Variants in CA10 observed in about 807,000 individuals in gnomAD.
CA10 encodes carbonic anhydrase 10 (inactive), also known as carbonic anhydrase-related protein 10.
A neutral mutation model predicts 44.2 loss-of-function variants in CA10; 14 were observed. That is an observed-to-expected ratio of 0.32 (90% confidence interval 0.21 to 0.50). The LOEUF is 0.50. Ranked by LOEUF, CA10 falls within the 20% of genes least tolerant of loss-of-function variation. The pLI is 0.99. For missense variants in CA10, 350 were observed against 409.7 expected, an observed-to-expected ratio of 0.85 and a Z score of 1.26; for synonymous variants, 159 against 141.6, an observed-to-expected ratio of 1.12 and a Z score of -0.87.
chr17:51,874,332 T>A (rs1979951091), intron 3 of CA10, among the ~76,000 whole-genome samples: 1 of 151,232 alleles, frequency 6.6e-6, no homozygotes, highest in Non-Finnish European at 1.5e-5. Context: ...CCTAATATCA[T>A]CTTATTAATT....
intron 1 of CA10, among the ~76,000 whole-genome samples, chr17:52,097,328 T>C (rs1988428258): frequency 1.3e-5 from 2 of 152,312 alleles, no homozygotes; most frequent in Admixed American, 1.3e-4. Context: ...CCAGTGAGGC[T>C]GAACAAATTT....
intron 3 of CA10, among the ~76,000 whole-genome samples, chr17:51,832,788 G>A (rs2143789113): frequency 6.6e-6 from 1 of 152,266 alleles, no homozygotes; most frequent in South Asian, 2.1e-4. Flanking sequence ...CACATTACTG[G>A]AGATAAATTT....
At chr17:52,051,016 CGAAG>C (rs752001458) in intron 2 of CA10, among the ~76,000 whole-genome samples, 43 of 110,112 alleles carry the variant, frequency 3.9e-4, no homozygotes, top group East Asian at 3.3e-3. Flanking sequence ...AAGGAAGGAA[CGAAG>C]GAAGGAAGGA....
At chr17:52,094,318 CAA>C (rs57349663) in intron 1 of CA10, among the ~76,000 whole-genome samples, 1 of 144,476 alleles carries the variant, frequency 6.9e-6, no homozygotes, top group Non-Finnish European at 1.5e-5. Context: ...ATGTATAAAG[CAA>C]AAAAAAAAAA....
intron 3 of CA10, among the ~76,000 whole-genome samples, chr17:51,831,923 T>C (rs1388633427): frequency 6.6e-6 from 1 of 152,132 alleles, no homozygotes; most frequent in Non-Finnish European, 1.5e-5. Flanking sequence ...GGTTGCTAGA[T>C]AGGCAACTGA....
chr17:51,787,343 C>A (rs1194411105), intron 3 of CA10, among the ~76,000 whole-genome samples: 1 of 152,078 alleles, frequency 6.6e-6, no homozygotes, highest in Non-Finnish European at 1.5e-5. Context: ...CTTTGAATTT[C>A]TTCATGATTC....
At chr17:51,908,429 G>A (rs745747895) in intron 3 of CA10, among the ~76,000 whole-genome samples, 9 of 152,120 alleles carry the variant, frequency 5.9e-5, no homozygotes, top group Non-Finnish European at 1.3e-4. Flanking sequence ...TTGAGTGTGT[G>A]AATAATTTCT....
intron 3 of CA10, among the ~76,000 whole-genome samples, chr17:51,854,412 A>C (rs982731525): frequency 7.2e-5 from 11 of 152,208 alleles, no homozygotes; most frequent in African/African-American, 2.7e-4. Flanking sequence ...AGTGAAATGC[A>C]TGTCCATGCA....
At chr17:51,678,918 A>G (rs1914724596) in intron 4 of CA10, among the ~76,000 whole-genome samples, 1 of 152,236 alleles carries the variant, frequency 6.6e-6, no homozygotes, top group Non-Finnish European at 1.5e-5. Flanking sequence ...ATAGGAAACT[A>G]AGCTTTGGGA....
intron 2 of CA10, among the ~76,000 whole-genome samples, chr17:52,006,356 C>T (rs1167655939): frequency 6.6e-6 from 1 of 151,676 alleles, no homozygotes; most frequent in African/African-American, 2.4e-5. Context: ...TATAAAATAT[C>T]ACAATAAAAA....
rs114687240 is a variant in CA10, at chr17:51,776,920, T to C, written c.280-29102A>G. ...AGAACCGTTCCTGGCACTCCAGGCC[T>C]GCCTGCGATTGGGCAGAGCAGACTC... On this transcript the variant is annotated intron_variant, in intron 3 of 8. Transcript: ENST00000451037. Among the ~76,000 whole-genome samples, 601 of 152,290 alleles carry C rather than the reference T, an allele frequency of 3.9e-3. 1 individual carries two copies. Among genetic ancestry groups the C allele is most frequent in the African/African-American group, 0.014 (567 of 41,550 alleles).
At chr17:52,046,685 C>T (rs930864460) in intron 2 of CA10, among the ~76,000 whole-genome samples, 3 of 151,684 alleles carry the variant, frequency 2.0e-5, no homozygotes, top group Non-Finnish European at 4.4e-5. Flanking sequence ...TTTCAGAAAC[C>T]AGACACAGAA....
chr17:51,930,573 T>G (rs1982614939), intron 3 of CA10, among the ~76,000 whole-genome samples: 1 of 152,144 alleles, frequency 6.6e-6, no homozygotes, highest in Non-Finnish European at 1.5e-5. Context: ...TTTTGTCTGT[T>G]TTTTTCCTCC....
intron 1 of CA10, among the ~76,000 whole-genome samples, chr17:52,089,883 G>A (rs2143205907): frequency 6.6e-6 from 1 of 152,090 alleles, no homozygotes; most frequent in African/African-American, 2.4e-5. Flanking sequence ...AATACAATTT[G>A]GAAAGGATAC....
intron 4 of CA10, among the ~76,000 whole-genome samples, chr17:51,746,758 T>C (rs1035084032): frequency 8.5e-5 from 13 of 152,244 alleles, no homozygotes; most frequent in African/African-American, 3.1e-4. Flanking sequence ...CTCATTAAGA[T>C]TGTGGGTCTG....
At chr17:51,812,162 G>A (rs1907394468) in intron 3 of CA10, among the ~76,000 whole-genome samples, 1 of 152,144 alleles carries the variant, frequency 6.6e-6, no homozygotes, top group Admixed American at 6.5e-5. Context: ...CATGCTGATT[G>A]CCAAATTTTT....
intron 2 of CA10, among the ~76,000 whole-genome samples, chr17:52,003,597 A>G (rs1326851065): frequency 6.6e-6 from 1 of 151,962 alleles, no homozygotes; most frequent in Non-Finnish European, 1.5e-5. Context: ...GATCAAAGAA[A>G]TACAAACAGG....
chr17:51,649,364 A>T (rs1913466022), intron 5 of CA10, 110 bp from the exon 6 acceptor site: 1 of 810,778 alleles, frequency 1.2e-6, no homozygotes, highest in African/African-American at 1.7e-5. Context: ...ACCATGAGCC[A>T]AACACAATGA....
chr17:52,015,202 C>T (rs1418571727), intron 2 of CA10, among the ~76,000 whole-genome samples: 1 of 151,968 alleles, frequency 6.6e-6, no homozygotes, highest in East Asian at 1.9e-4. Context: ...TATAATGACA[C>T]TTTTTCTAAG....
Sources: allele counts gnomAD v4.1 joint callset (sites outside exome capture counted in the v4.1 genomes callset), GRCh38; gene constraint gnomAD v4.1.1; transcripts MANE v1.5; gene names NCBI Gene and HGNC (gene_info 2026-07-23, HGNC 2026-07-21).